Variants in TMEM132D observed in about 807,000 individuals in gnomAD.
TMEM132D encodes the protein transmembrane protein 132D.
In TMEM132D, 21 loss-of-function variants were observed where a neutral mutation model predicts 62.3. The observed-to-expected ratio is 0.34, with a 90% confidence interval of 0.24 to 0.49. The LOEUF (loss-of-function observed/expected upper bound fraction) is 0.49, where lower values mean the gene tolerates loss of function less well. TMEM132D is among the 20% of genes least tolerant of loss of function. TMEM132D has a pLI of 0.99. For missense variants in TMEM132D, 1,346 were observed against 1,402.8 expected (o/e 0.96, Z 0.65); for synonymous variants, 621 against 575.6 (o/e 1.08, Z -1.13).
In TMEM132D at chr12:129,697,525, G is replaced by A. The variant is rs915093719; in HGVS notation, c.968+2285C>T. Among the ~76,000 whole-genome samples the A allele has an allele frequency of 6.6e-5, 10 of 152,274 alleles. No homozygotes were observed. The East Asian group carries it at 9.7e-4, about 15-fold the overall frequency. On this transcript the variant is annotated intron_variant, in intron 2 of 8. Coordinates refer to ENST00000422113, the MANE Select transcript of TMEM132D (RefSeq NM_133448.3). ...CCTCTTAAAGAAACAGTGTAGCATC[G>A]TACCGAGGTAAACAGACATTCATGA...
chr12:129,810,299 T>A (rs1348569452), intron 1 of TMEM132D, among the ~76,000 whole-genome samples: 1 of 152,086 alleles, frequency 6.6e-6, no homozygotes, highest in South Asian at 2.1e-4. Flanking sequence ...GTCCATATAT[T>A]TTTTTTAAAA....
intron 3 of TMEM132D, among the ~76,000 whole-genome samples, chr12:129,340,281 T>G (rs1869426138): frequency 6.6e-6 from 1 of 152,162 alleles, no homozygotes; most frequent in Non-Finnish European, 1.5e-5. Context: ...GAAGTGGTGA[T>G]GAAAATATTC....
chr12:129,458,863 G>T (rs1310297069), intron 3 of TMEM132D, among the ~76,000 whole-genome samples: 1 of 152,148 alleles, frequency 6.6e-6, no homozygotes, highest in African/African-American at 2.4e-5. Flanking sequence ...TCACGGGGTG[G>T]TATCCAAGAC....
chr12:129,136,636 A>G (rs185578524), intron 5 of TMEM132D, among the ~76,000 whole-genome samples: 46 of 151,984 alleles, frequency 3.0e-4, no homozygotes, highest in Middle Eastern at 3.4e-3. Context: ...CATCATCACC[A>G]TCACAATCAC....
chr12:129,214,120 G>A (rs1879136165), intron 4 of TMEM132D, among the ~76,000 whole-genome samples: 1 of 152,200 alleles, frequency 6.6e-6, no homozygotes, highest in Non-Finnish European at 1.5e-5. Flanking sequence ...GCTCCCGATG[G>A]ATGGTGACAC....
intron 2 of TMEM132D, among the ~76,000 whole-genome samples, chr12:129,662,339 C>T (rs1880258023): frequency 6.6e-6 from 1 of 152,190 alleles, no homozygotes; most frequent in Non-Finnish European, 1.5e-5. Flanking sequence ...ATTACCTGTT[C>T]CACCTCCAAT....
At chr12:129,131,354 C>T (rs1248981647) in intron 5 of TMEM132D, among the ~76,000 whole-genome samples, 1 of 152,208 alleles carries the variant, frequency 6.6e-6, no homozygotes, top group Non-Finnish European at 1.5e-5. Flanking sequence ...CGCTTGTAAT[C>T]CCAGCACTTT....
chr12:129,442,868 C>T (rs928405205), intron 3 of TMEM132D, among the ~76,000 whole-genome samples: 2 of 152,088 alleles, frequency 1.3e-5, no homozygotes, highest in Non-Finnish European at 2.9e-5. Flanking sequence ...GTTTTGGACG[C>T]CATGGTGTGC....
intron 4 of TMEM132D, among the ~76,000 whole-genome samples, chr12:129,271,689 C>T (rs145221881): frequency 3.3e-4 from 50 of 151,828 alleles, no homozygotes; most frequent in South Asian, 1.7e-3. Context: ...TGTTAGTTTG[C>T]TGAGGATGAT....
intron 1 of TMEM132D, among the ~76,000 whole-genome samples, chr12:129,855,279 CGGGGG>C (rs2137362152): frequency 1.3e-5 from 1 of 79,626 alleles, no homozygotes; most frequent in African/African-American, 5.4e-5. Flanking sequence ...TAACGGAGTC[CGGGGG>C]AACGGGATGG....
At chr12:129,886,791 C>A (rs769939951) in intron 1 of TMEM132D, among the ~76,000 whole-genome samples, 1 of 152,118 alleles carries the variant, frequency 6.6e-6, no homozygotes, top group South Asian at 2.1e-4. Flanking sequence ...GTGGGAGGTA[C>A]CTGAATCATG....
intron 2 of TMEM132D, among the ~76,000 whole-genome samples, chr12:129,699,294 T>TG (rs1284131281): frequency 6.6e-6 from 1 of 152,238 alleles, no homozygotes; most frequent in Non-Finnish European, 1.5e-5. Flanking sequence ...TTTATTTTTT[T>TG]GAACACTAAG....
intron 5 of TMEM132D, among the ~76,000 whole-genome samples, chr12:129,162,946 A>G (rs1424198149): frequency 6.6e-6 from 1 of 152,240 alleles, no homozygotes; most frequent in Non-Finnish European, 1.5e-5. Context: ...TCCCCCCAGC[A>G]TCAGCCAAGT....
intron 4 of TMEM132D, among the ~76,000 whole-genome samples, chr12:129,333,430 A>C (rs1869175725): frequency 6.6e-6 from 1 of 152,268 alleles, no homozygotes; most frequent in Non-Finnish European, 1.5e-5. Flanking sequence ...AAAGCTCTTA[A>C]ATTTTAATCT....
intron 3 of TMEM132D, among the ~76,000 whole-genome samples, chr12:129,512,658 G>T (rs905049074): frequency 6.6e-6 from 1 of 152,210 alleles, no homozygotes; most frequent in African/African-American, 2.4e-5. Context: ...TCAACTAGGG[G>T]CTAGGTGCTC....
intron 1 of TMEM132D, among the ~76,000 whole-genome samples, chr12:129,795,608 C>T (rs578204575): frequency 6.6e-6 from 1 of 152,296 alleles, no homozygotes; most frequent in South Asian, 2.1e-4. Flanking sequence ...ATGCCAGCTG[C>T]TGGACGGAGA....
intron 5 of TMEM132D, among the ~76,000 whole-genome samples, chr12:129,122,565 G>A (rs1876098158): frequency 6.6e-6 from 1 of 152,132 alleles, no homozygotes; most frequent in South Asian, 2.1e-4. Flanking sequence ...GAATGATCAA[G>A]TCAAACCCCA....
At chr12:129,626,447 CT>C (rs1009380199) in intron 2 of TMEM132D, among the ~76,000 whole-genome samples, 20 of 147,498 alleles carry the variant, frequency 1.4e-4, no homozygotes, top group African/African-American at 4.2e-4. Context: ...TACTTTTTTT[CT>C]ACTTTTATGT....
intron 3 of TMEM132D, among the ~76,000 whole-genome samples, chr12:129,388,140 T>A: frequency 1.7e-5 from 1 of 58,032 alleles, no homozygotes; most frequent in African/African-American, 5.4e-5. Context: ...ATATGAACAC[T>A]AACATGAGTC....
Sources: gnomAD v4.1 joint callset for allele counts (sites outside exome capture counted in the v4.1 genomes callset) on GRCh38, gnomAD v4.1.1 for gene constraint, MANE v1.5 for transcripts, NCBI Gene and HGNC (gene_info 2026-07-23, HGNC 2026-07-21) for gene names.